NELL1: variants seen among roughly 807,000 people sequenced by gnomAD.
NELL1 encodes neural EGFL like 1, also known as protein kinase C-binding protein NELL1.
NELL1 carries 76 observed loss-of-function variants against 107.4 expected under a neutral mutation model. The ratio of observed to expected loss-of-function variants is 0.71; its 90% CI spans 0.59 to 0.86. The LOEUF (loss-of-function observed/expected upper bound fraction) is 0.86, where lower values mean the gene tolerates loss of function less well. Ranked by LOEUF, NELL1 falls within the 40% of genes least tolerant of loss-of-function variation. NELL1 has a pLI of 0.00. For synonymous variants in NELL1, 353 were observed against 341.2 expected (o/e 1.03, Z -0.38); for missense variants, 1,024 against 1,005.5 (o/e 1.02, Z -0.25).
In NELL1 at chr11:21,051,063, A is replaced by G. The variant is rs556527948; in HGVS notation, c.1301-62526A>G. On this transcript the variant is annotated intron_variant, in intron 12 of 19. Coordinates refer to ENST00000357134, the MANE Select transcript of NELL1 (RefSeq NM_006157.5). ...TCTACTCAGAGGAAAGAAAGTACTT[A>G]TACAAAAAAGATACTTGACATACAT... Among the ~76,000 whole-genome samples the G allele has an allele frequency of 4.9e-3, 746 of 152,274 alleles. 4 individuals are homozygous for G. The highest frequency in any genetic ancestry group is 0.017 in the African/African-American group (704 of 41,562).
chr11:21,252,401 G>A (rs998725869), intron 14 of NELL1, among the ~76,000 whole-genome samples: 8 of 152,084 alleles, frequency 5.3e-5, no homozygotes, highest in African/African-American at 1.9e-4. Flanking sequence ...GCTAGATCAG[G>A]GATCCAGAAG....
chr11:20,965,169 G>A lies in NELL1; in HGVS notation c.1300+4609G>A, dbSNP rs1325222188. On this transcript the variant is annotated intron_variant, in intron 12 of 19. Transcript: ENST00000357134. ...TGTTGAGTCATCAGGAGTTTGCTCTGGCACTGCTGCCAAGCAACAGATTTT... is the reference window on the plus strand; with the variant it reads ...TGTTGAGTCATCAGGAGTTTGCTCTAGCACTGCTGCCAAGCAACAGATTTT... Among the ~76,000 whole-genome samples, 6 of 152,086 alleles carry A rather than the reference G, an allele frequency of 3.9e-5. No homozygotes were observed. In the East Asian group the frequency reaches 1.2e-3, roughly 29 times the overall value.
intron 16 of NELL1, among the ~76,000 whole-genome samples, chr11:21,552,366 G>C (rs1348530481): frequency 1.3e-5 from 2 of 151,708 alleles, no homozygotes; most frequent in African/African-American, 4.8e-5. Context: ...TCATTTATCA[G>C]AGAGTCTGCT....
At chr11:21,276,686 G>T (rs946114254) in intron 14 of NELL1, among the ~76,000 whole-genome samples, 28 of 152,138 alleles carry the variant, frequency 1.8e-4, no homozygotes, top group Admixed American at 1.8e-3. Flanking sequence ...CATGGTACTG[G>T]TGCCAAAACA....
At chr11:20,706,352 G>C (rs1459967361) in intron 2 of NELL1, among the ~76,000 whole-genome samples, 1 of 152,080 alleles carries the variant, frequency 6.6e-6, no homozygotes, top group Non-Finnish European at 1.5e-5. Context: ...AAAATGATGA[G>C]TTCATGTCCT....
chr11:21,225,967 A>C (rs1857882397), intron 13 of NELL1, among the ~76,000 whole-genome samples: 1 of 152,212 alleles, frequency 6.6e-6, no homozygotes, highest in South Asian at 2.1e-4. Context: ...ATACCTTGCA[A>C]TTGGCAAACC....
chr11:21,083,132 A>G (rs1277097740), intron 12 of NELL1, among the ~76,000 whole-genome samples: 1 of 152,222 alleles, frequency 6.6e-6, no homozygotes, highest in Non-Finnish European at 1.5e-5. Context: ...GAGCAAGTCC[A>G]TACATAAGAA....
chr11:21,564,232 G>A (rs917149828), intron 17 of NELL1, among the ~76,000 whole-genome samples: 1 of 151,950 alleles, frequency 6.6e-6, no homozygotes, highest in African/African-American at 2.4e-5. Context: ...TGAGGTAAAG[G>A]TTCAGAGGAG....
intron 14 of NELL1, among the ~76,000 whole-genome samples, chr11:21,330,336 T>C (rs1000820604): frequency 6.6e-6 from 1 of 152,168 alleles, no homozygotes; most frequent in African/African-American, 2.4e-5. Flanking sequence ...CCTCACACCA[T>C]GTGGAATAGA....
intron 12 of NELL1, among the ~76,000 whole-genome samples, chr11:21,039,052 T>A (rs1268578308): frequency 6.6e-6 from 1 of 152,050 alleles, no homozygotes; most frequent in Non-Finnish European, 1.5e-5. Context: ...ATCAAAAAGA[T>A]CAAGGGGGTG....
chr11:20,843,944 T>G (rs1848662647), intron 3 of NELL1, among the ~76,000 whole-genome samples: 2 of 152,136 alleles, frequency 1.3e-5, no homozygotes, highest in South Asian at 4.1e-4. Context: ...TACCTTGCAC[T>G]TAAGCAAAGG....
intron 15 of NELL1, among the ~76,000 whole-genome samples, chr11:21,495,026 T>C (rs1854940154): frequency 6.6e-6 from 1 of 152,114 alleles, no homozygotes. Flanking sequence ...ATTTCAAATA[T>C]CATACATTTA....
chr11:21,266,068 T>C (rs775541520), intron 14 of NELL1, among the ~76,000 whole-genome samples: 3 of 151,984 alleles, frequency 2.0e-5, no homozygotes, highest in Non-Finnish European at 2.9e-5. Flanking sequence ...CTCCTTAAGA[T>C]TGGATGATTC....
intron 13 of NELL1, among the ~76,000 whole-genome samples, chr11:21,196,616 A>T (rs1253396386): frequency 6.6e-6 from 1 of 150,756 alleles, no homozygotes; most frequent in African/African-American, 2.4e-5. Flanking sequence ...TAACCTCATC[A>T]CTCTCCATCC....
rs540884040 is a variant in NELL1, at chr11:21,559,520, A to G, written c.1787-669A>G. Among the ~76,000 whole-genome samples the G allele has an allele frequency of 5.9e-5, 9 of 152,198 alleles. 1 individual carries two copies. Among genetic ancestry groups the G allele is most frequent in the Admixed American group, 3.9e-4 (6 of 15,266 alleles). On this transcript the variant is annotated intron_variant, in intron 16 of 19. Coordinates refer to ENST00000357134, the MANE Select transcript of NELL1 (RefSeq NM_006157.5). ...CTGTCAATAAAGAGCAGGACAATAT[A>G]TTTATGTCTTTCATCAGCATCCATC...
intron 16 of NELL1, among the ~76,000 whole-genome samples, chr11:21,539,526 G>A (rs1384867972): frequency 6.6e-6 from 1 of 151,814 alleles, no homozygotes; most frequent in Non-Finnish European, 1.5e-5. Context: ...TGGATGCGGA[G>A]CTGGAAAGGG....
chr11:20,874,833 C>T (rs1050524398), intron 4 of NELL1, among the ~76,000 whole-genome samples: 1 of 152,320 alleles, frequency 6.6e-6, no homozygotes, highest in South Asian at 2.1e-4. Flanking sequence ...TGGTGCTGCA[C>T]AGAGCAAGTT....
chr11:21,145,018 A>G lies in NELL1; in HGVS notation c.1426+31304A>G, dbSNP rs150942492. 1.3e-3 allele frequency among the ~76,000 whole-genome samples: 202 copies of G among 152,260 alleles called. 3 individuals are homozygous for G. In the East Asian group the frequency reaches 0.028, roughly 21 times the overall value. ...TCAGTCACAAAACTTAAAAATAACAATACTACCACATAGGGTTGTTGTGAT... is the reference window on the plus strand; with the variant it reads ...TCAGTCACAAAACTTAAAAATAACAGTACTACCACATAGGGTTGTTGTGAT... On this transcript the variant is annotated intron_variant, in intron 13 of 19. Transcript: ENST00000357134.
chr11:21,351,727 C>A (rs1433178349), intron 14 of NELL1, among the ~76,000 whole-genome samples: 3 of 152,030 alleles, frequency 2.0e-5, no homozygotes, highest in Non-Finnish European at 2.9e-5. Flanking sequence ...CCATAAATTT[C>A]TCTCCTGAAT....
Sources: gnomAD v4.1 joint callset for allele counts (sites outside exome capture counted in the v4.1 genomes callset) on GRCh38, gnomAD v4.1.1 for gene constraint, MANE v1.5 for transcripts, NCBI Gene and HGNC (gene_info 2026-07-23, HGNC 2026-07-21) for gene names.